HMCN1: variants seen among roughly 807,000 people sequenced by gnomAD.
HMCN1 encodes the protein hemicentin-1.
In HMCN1, 321 loss-of-function variants were observed where a neutral mutation model predicts 625.9. The ratio of observed to expected loss-of-function variants is 0.51; its 90% CI spans 0.47 to 0.56. HMCN1 has a LOEUF of 0.56. Ranked by LOEUF, HMCN1 falls within the 20% of genes least tolerant of loss-of-function variation. The probability of loss-of-function intolerance (pLI) is 0.00; values close to 1 mark genes in which losing one functional copy is unlikely to be tolerated. For missense variants in HMCN1, 6,588 were observed against 6,887.3 expected (o/e 0.96, Z 1.54); for synonymous variants, 2,425 against 2,417.6 (o/e 1.00, Z -0.09).
chr1:186,086,818 A>T (rs1284426843), intron 58 of HMCN1, among the ~76,000 whole-genome samples: 1 of 3,676 alleles, frequency 2.7e-4, no homozygotes, highest in Non-Finnish European at 7.4e-4. Context: ...GATAGATGAT[A>T]GATAGATAGA....
chr1:185,897,059 A>G (rs908806406), intron 4 of HMCN1, among the ~76,000 whole-genome samples: 18 of 152,086 alleles, frequency 1.2e-4, no homozygotes, highest in African/African-American at 4.1e-4. Context: ...TTTGCTTCTC[A>G]AGCTAGGAAG....
chr1:186,055,356 C>G (rs758356680), intron 44 of HMCN1, 37 bp from the exon 45 acceptor site: 60 of 1,598,296 alleles, frequency 3.8e-5, no homozygotes, highest in Middle Eastern at 1.7e-4. Flanking sequence ...GCAAACATTT[C>G]CTCTTTTGTT....
chr1:185,838,640 C>T (rs1661311611), intron 1 of HMCN1, among the ~76,000 whole-genome samples: 1 of 152,042 alleles, frequency 6.6e-6, no homozygotes, highest in Admixed American at 6.5e-5. Context: ...ACTTACAAAA[C>T]ACAAATCCAA....
intron 1 of HMCN1, among the ~76,000 whole-genome samples, chr1:185,782,452 T>C (rs1192246919): frequency 6.6e-6 from 1 of 152,240 alleles, no homozygotes; most frequent in East Asian, 1.9e-4. Context: ...TGATGGTCTT[T>C]ACAGTTTGGC....
At chr1:185,923,685 T>G in intron 8 of HMCN1, 32 bp downstream of exon 8, 1 of 1,561,722 alleles carries the variant, frequency 6.4e-7, no homozygotes, top group Non-Finnish European at 8.7e-7. Context: ...CATTGAAATA[T>G]TGACAGTTTA....
intron 64 of HMCN1, among the ~76,000 whole-genome samples, 168 bp from the exon 65 acceptor site, chr1:186,092,966 C>G (rs1462541658): frequency 1.3e-5 from 2 of 151,948 alleles, no homozygotes; most frequent in East Asian, 3.9e-4. Context: ...TGTTCACTTC[C>G]TTTTTTTCTT....
chr1:186,042,962 A>G (rs1656307152), intron 40 of HMCN1, among the ~76,000 whole-genome samples: 1 of 152,048 alleles, frequency 6.6e-6, no homozygotes, highest in Admixed American at 6.6e-5. Flanking sequence ...TGAGTAGTTC[A>G]TTAACATTTT....
At chr1:185,779,732 C>G (rs530097188) in intron 1 of HMCN1, among the ~76,000 whole-genome samples, 54 of 152,306 alleles carry the variant, frequency 3.5e-4, no homozygotes, top group African/African-American at 1.0e-3. Flanking sequence ...CAGTACCATG[C>G]TGTTTTGGTT....
At position 186,069,710 on chromosome 1, in the gene HMCN1, A is replaced by G. The variant is rs1285693563; in HGVS notation, c.7927A>G (p.Arg2643Gly). 6.2e-7 allele frequency: 1 copy of G among 1,613,516 alleles called. No homozygotes were observed. Among genetic ancestry groups the G allele is most frequent in the Non-Finnish European group, 8.5e-7 (1 of 1,179,850 alleles). ...ILNAQEDNAG[R>G]YSCVATNEAG... ...CAATGCACAGGAGGACAATGCTGGA[A>G]GATACTCTTGTGTAGCCACGAATGA... is the stretch of plus-strand genomic sequence containing the variant. The change falls in exon 51 of 107, where the codon AGA (arginine) becomes GGA (glycine). Residue 2643 changes from arginine (R) to glycine (G), a missense_variant. This residue lies in a region of HMCN1 where 4,628 missense variants were observed against 4,853.1 expected (regional missense o/e 0.95). Coordinates refer to ENST00000271588, the MANE Select transcript of HMCN1 (RefSeq NM_031935.3).
At chr1:186,012,399 G>C (rs545539173) in intron 30 of HMCN1, among the ~76,000 whole-genome samples, 1 of 150,828 alleles carries the variant, frequency 6.6e-6, no homozygotes, top group Non-Finnish European at 1.5e-5. Flanking sequence ...GTTTTTTTTG[G>C]TATTTTTTTT....
At chr1:186,136,996 G>C in intron 87 of HMCN1, 59 bp downstream of exon 87, 2 of 1,587,690 alleles carry the variant, frequency 1.3e-6, no homozygotes, top group South Asian at 2.2e-5. Flanking sequence ...TCAAATCATG[G>C]AAATTATTAA....
At position 186,081,569 on chromosome 1, in the gene HMCN1, A is replaced by G. The variant is rs1558205810; in HGVS notation, c.8787+175A>G. On this transcript the variant is annotated intron_variant, in intron 56 of 106. Coordinates refer to ENST00000271588, the MANE Select transcript of HMCN1 (RefSeq NM_031935.3). Reference sequence around the variant, plus strand: ...TCTTCTTCCTCATTCTATTCCCACTACCAGAGGTTACCACTGTTAATAGTT... The same window carrying G: ...TCTTCTTCCTCATTCTATTCCCACTGCCAGAGGTTACCACTGTTAATAGTT... Among the ~76,000 whole-genome samples, 8 of 152,148 alleles carry G rather than the reference A, an allele frequency of 5.3e-5. No homozygotes were observed. In the South Asian group the frequency reaches 1.7e-3, roughly 32 times the overall value.
chr1:186,037,836 A>G (rs2102223889), intron 36 of HMCN1, 98 bp from the exon 37 acceptor site: 2 of 764,336 alleles, frequency 2.6e-6, no homozygotes, highest in East Asian at 2.7e-5. Context: ...TGTGAAAAAA[A>G]GAAGAGAGGA....
chr1:185,836,896 C>T (rs1217789628), intron 1 of HMCN1, among the ~76,000 whole-genome samples: 1 of 151,858 alleles, frequency 6.6e-6, no homozygotes. Context: ...GTTTCTGTTC[C>T]TGTGTTAGTT....
At chr1:185,741,899 C>T (rs1654018059) in intron 1 of HMCN1, among the ~76,000 whole-genome samples, 1 of 152,128 alleles carries the variant, frequency 6.6e-6, no homozygotes, top group Non-Finnish European at 1.5e-5. Context: ...GGAACAGTTG[C>T]TTTGTTCATG....
At chr1:185,737,863 T>A (rs1465420778) in intron 1 of HMCN1, among the ~76,000 whole-genome samples, 3 of 152,180 alleles carry the variant, frequency 2.0e-5, no homozygotes. Context: ...TGGGGCAAGG[T>A]GTGTATTTGC....
chr1:185,748,131 A>T (rs1315796285), intron 1 of HMCN1, among the ~76,000 whole-genome samples: 1 of 149,992 alleles, frequency 6.7e-6, no homozygotes, highest in Non-Finnish European at 1.5e-5. Flanking sequence ...AAGATATTGT[A>T]CTATCTGGAA....
intron 102 of HMCN1, among the ~76,000 whole-genome samples, chr1:186,173,950 T>C (rs7554872): frequency 0.37 from 56,147 of 152,112 alleles, 10,871 homozygotes; most frequent in African/African-American, 0.46. Context: ...TTCAAACTAA[T>C]ACTATTACTA....
intron 2 of HMCN1, among the ~76,000 whole-genome samples, chr1:185,858,414 A>G (rs916164175): frequency 6.6e-6 from 1 of 151,070 alleles, no homozygotes; most frequent in African/African-American, 2.4e-5. Context: ...CGTTTAAAGG[A>G]TTTATTTTAT....
Sources: allele counts gnomAD v4.1 joint callset (sites outside exome capture counted in the v4.1 genomes callset), GRCh38; gene constraint gnomAD v4.1.1; regional missense constraint gnomAD v4.1.1; transcripts MANE v1.5; gene names NCBI Gene and HGNC (gene_info 2026-07-23, HGNC 2026-07-21).